The following STK3 variants were observed in gnomAD, a reference collection of about 807,000 sequenced individuals.
STK3 encodes the protein serine/threonine kinase 3.
A neutral mutation model predicts 58.0 loss-of-function variants in STK3; 41 were observed. The ratio of observed to expected loss-of-function variants is 0.71; its 90% CI spans 0.55 to 0.92. The LOEUF (loss-of-function observed/expected upper bound fraction) is 0.92, where lower values mean the gene tolerates loss of function less well. Ranked by LOEUF, STK3 falls within the 40% of genes least tolerant of loss-of-function variation. The probability of loss-of-function intolerance (pLI) is 0.00; values close to 1 mark genes in which losing one functional copy is unlikely to be tolerated. For missense variants in STK3, 479 were observed against 602.7 expected (o/e 0.79, Z 2.15); for synonymous variants, 170 against 191.0 (o/e 0.89, Z 0.91).
intron 3 of STK3, among the ~76,000 whole-genome samples, chr8:98,753,392 G>T (rs1195751994): frequency 2.0e-5 from 3 of 152,150 alleles, no homozygotes; most frequent in African/African-American, 7.2e-5. Flanking sequence ...AATACTGCAT[G>T]TTCTCACTTA....
rs893576457 is a variant in STK3 at position 98,821,582 on chromosome 8, G to A, written c.26+3933C>T. 3.3e-5 allele frequency among the ~76,000 whole-genome samples: 5 copies of A among 150,616 alleles called. No homozygotes were observed. The East Asian group carries it at 9.7e-4, about 29-fold the overall frequency. On this transcript the variant is annotated intron_variant, in intron 1 of 10. Coordinates refer to ENST00000419617, the MANE Select transcript of STK3 (RefSeq NM_006281.4). ...AGGCTGAGGTGAGAGGATCACCTGAGCACAGGGAGGTCAAGGCTGCAGTGA... is the reference window on the plus strand; with the variant it reads ...AGGCTGAGGTGAGAGGATCACCTGAACACAGGGAGGTCAAGGCTGCAGTGA...
intron 6 of STK3, among the ~76,000 whole-genome samples, chr8:98,641,734 G>A (rs928524907): frequency 6.6e-6 from 1 of 152,168 alleles, no homozygotes; most frequent in African/African-American, 2.4e-5. Flanking sequence ...AATGGTAGCA[G>A]AAGCATATAT....
At chr8:98,684,935 G>A (rs1823882414) in intron 6 of STK3, among the ~76,000 whole-genome samples, 1 of 152,118 alleles carries the variant, frequency 6.6e-6, no homozygotes, top group African/African-American at 2.4e-5. Flanking sequence ...AGGAAAATAA[G>A]TATGGTTTCA....
At chr8:98,541,468 C>T (rs1015452731) in intron 9 of STK3, among the ~76,000 whole-genome samples, 19 of 152,194 alleles carry the variant, frequency 1.2e-4, no homozygotes, top group African/African-American at 4.3e-4. Flanking sequence ...GCCATGCTTC[C>T]TGTACAGCCT....
chr8:98,440,059 G>A (rs1693861557), intron 1 of STK3, among the ~76,000 whole-genome samples: 1 of 152,228 alleles, frequency 6.6e-6, no homozygotes. Context: ...CCTGGGGGCA[G>A]GACCAGGGAT....
intron 6 of STK3, among the ~76,000 whole-genome samples, chr8:98,661,509 C>A (rs1431887663): frequency 6.6e-6 from 1 of 152,006 alleles, no homozygotes; most frequent in African/African-American, 2.4e-5. Context: ...TAATATTAGT[C>A]CTGCTCCACT....
intron 1 of STK3, among the ~76,000 whole-genome samples, chr8:98,808,733 G>A (rs903232480): frequency 7.9e-5 from 12 of 152,110 alleles, no homozygotes; most frequent in African/African-American, 1.2e-4. Flanking sequence ...GGAATTTCCC[G>A]AATGATAAGG....
chr8:98,583,596 T>C (rs1020095382), intron 7 of STK3, among the ~76,000 whole-genome samples: 20 of 152,166 alleles, frequency 1.3e-4, no homozygotes, highest in African/African-American at 4.6e-4. Flanking sequence ...TTCAATAAGC[T>C]CTTCTGTATC....
At chr8:98,547,575 C>G (rs1366563705) in intron 9 of STK3, among the ~76,000 whole-genome samples, 1 of 152,140 alleles carries the variant, frequency 6.6e-6, no homozygotes, top group African/African-American at 2.4e-5. Context: ...TCGCACTGCT[C>G]TTTGTGGTTT....
chr8:98,791,859 A>C lies in STK3; in HGVS notation c.27-17040T>G, dbSNP rs144089517. The stretch of plus-strand genomic sequence containing the variant: ...AAATCTAAGACCTGAAACTATAAAA[A>C]TTCTGGAAGATAACATTGGAAAAAC... On this transcript the variant is annotated intron_variant, in intron 1 of 10. Transcript: ENST00000419617. Among the ~76,000 whole-genome samples the C allele has an allele frequency of 1.8e-3, 267 of 152,346 alleles. 1 individual carries two copies. Among genetic ancestry groups the C allele is most frequent in the African/African-American group, 6.3e-3 (261 of 41,594 alleles).
intron 1 of STK3, among the ~76,000 whole-genome samples, chr8:98,805,258 T>C (rs760944665): frequency 1.3e-5 from 2 of 152,082 alleles, no homozygotes; most frequent in Non-Finnish European, 2.9e-5. Context: ...TCCTGAATTC[T>C]CACATAACAT....
intron 2 of STK3, among the ~76,000 whole-genome samples, chr8:98,371,966 T>C (rs1281763327): frequency 6.6e-6 from 1 of 152,138 alleles, no homozygotes; most frequent in African/African-American, 2.4e-5. Context: ...GATAAAGTCA[T>C]ACTGAGTGGG....
intron 3 of STK3, chr8:98,427,136 A>T (rs1005484870): frequency 2.0e-5 from 3 of 149,926 alleles, no homozygotes; most frequent in African/African-American, 7.3e-5. Flanking sequence ...AGCCTTCGGC[A>T]GCTGCGGGCG....
intron 3 of STK3, among the ~76,000 whole-genome samples, chr8:98,766,484 C>A (rs1830957647): frequency 6.6e-6 from 1 of 152,212 alleles, no homozygotes; most frequent in South Asian, 2.1e-4. Context: ...GTGCTGCAAT[C>A]ATAGCTAACT....
chr8:98,422,717 T>C (rs1261405449), intron 3 of STK3, among the ~76,000 whole-genome samples: 4 of 152,120 alleles, frequency 2.6e-5, no homozygotes, highest in Non-Finnish European at 5.9e-5. Flanking sequence ...GGGCAGTGGG[T>C]GGGTGTCTGC....
chr8:98,496,592 A>T (rs1823153746), intron 10 of STK3, among the ~76,000 whole-genome samples: 1 of 152,186 alleles, frequency 6.6e-6, no homozygotes, highest in Admixed American at 6.5e-5. Context: ...TATGGAAATT[A>T]AAGGAATTCA....
intron 6 of STK3, among the ~76,000 whole-genome samples, chr8:98,663,299 T>C (rs1822101471): frequency 6.6e-6 from 1 of 152,068 alleles, no homozygotes; most frequent in Non-Finnish European, 1.5e-5. Flanking sequence ...ATCAGAGAAA[T>C]GCAAATCAAA....
chr8:98,464,314 C>T (rs1209933570), intron 10 of STK3, among the ~76,000 whole-genome samples: 32 of 151,580 alleles, frequency 2.1e-4, no homozygotes, highest in Non-Finnish European at 4.4e-5. Flanking sequence ...CTTAATATTC[C>T]ATTTTAGCTG....
chr8:98,624,927 T>TG (rs1476025067), intron 6 of STK3, among the ~76,000 whole-genome samples: 1 of 151,928 alleles, frequency 6.6e-6, no homozygotes, highest in Non-Finnish European at 1.5e-5. Flanking sequence ...GTAAAGTGAA[T>TG]GCCTGAGGAT....
Sources: allele counts gnomAD v4.1 joint callset (sites outside exome capture counted in the v4.1 genomes callset), GRCh38; gene constraint gnomAD v4.1.1; transcripts MANE v1.5; gene names NCBI Gene and HGNC (gene_info 2026-07-23, HGNC 2026-07-21).